The following IFT122 variants were observed in gnomAD, a reference collection of about 807,000 sequenced individuals.
IFT122 encodes the protein intraflagellar transport protein 122 homolog.
A neutral mutation model predicts 161.6 loss-of-function variants in IFT122; 118 were observed. The ratio of observed to expected loss-of-function variants is 0.73; its 90% CI spans 0.63 to 0.85. IFT122 has a LOEUF of 0.85. Ranked by LOEUF, IFT122 falls within the 40% of genes least tolerant of loss-of-function variation. IFT122 has a pLI of 0.00. For synonymous variants in IFT122, 550 were observed against 602.4 expected, an observed-to-expected ratio of 0.91 and a Z score of 1.27; for missense variants, 1,381 against 1,579.6, an observed-to-expected ratio of 0.87 and a Z score of 2.13.
Position 129,449,905 on chromosome 3 carries a change from C to G in IFT122, c.76C>G (p.Gln26Glu), listed in dbSNP as rs748223896. Residue 26 changes from glutamine to glutamate, a missense_variant, in exon 2 of 30, where the codon CAA becomes GAA. Transcript: ENST00000348417. ...CATCGCATTTAAGCCTGATGGAACT[C>G]AACTGATTTTGGCTGCCGGAAGCAG... ...NDIAFKPDGTQLILAAGSRLL... is the reference protein window; with the variant it reads ...NDIAFKPDGTELILAAGSRLL... 2 of 1,613,406 alleles carry G rather than the reference C, an allele frequency of 1.2e-6. No individual in the cohort carries two copies. The highest frequency in any genetic ancestry group is 1.3e-5 in the African/African-American group (1 of 74,856).
Position 129,452,015 on chromosome 3 carries a change from G to C in IFT122, c.193+17G>C. 6.3e-7 allele frequency: 1 copy of C among 1,578,098 alleles called. No individual in the cohort carries two copies. Among genetic ancestry groups the C allele is most frequent in the Non-Finnish European group, 8.7e-7 (1 of 1,147,434 alleles). The stretch of plus-strand genomic sequence containing the variant: ...CGAAGGATGGTAAAAGGCTGCTCTG[G>C]GTTTCCATTCTCTATAATAGCCTCA... On this transcript the variant is annotated intron_variant, in intron 3 of 29. Coordinates refer to ENST00000348417, the MANE Select transcript of IFT122 (RefSeq NM_052989.3).
At position 129,467,958 on chromosome 3, in the gene IFT122, A is replaced by G. The variant is rs563188760; in HGVS notation, c.740+892A>G. On this transcript the variant is annotated intron_variant, in intron 8 of 29. Transcript: ENST00000348417. Reference sequence around the variant, plus strand: ...GAATCCTACTGCCCCAGGAGGTAAAAGGGGGTTGAAAATCACTGATCCATC... The same window carrying G: ...GAATCCTACTGCCCCAGGAGGTAAAGGGGGGTTGAAAATCACTGATCCATC... Among the ~76,000 whole-genome samples the G allele has an allele frequency of 2.6e-5, 4 of 152,272 alleles. No homozygotes were observed. In the East Asian group the frequency reaches 7.7e-4, roughly 29 times the overall value.
At chr3:129,478,273 C>T in intron 12 of IFT122, 55 bp downstream of exon 12, 1 of 1,425,370 alleles carries the variant, frequency 7.0e-7, no homozygotes, top group Non-Finnish European at 9.8e-7. Context: ...GCTCCCCCCC[C>T]AGTGATAGGG....
At chr3:129,498,284 C>T (rs2081127319) in intron 18 of IFT122, among the ~76,000 whole-genome samples, 1 of 152,252 alleles carries the variant, frequency 6.6e-6, no homozygotes, top group African/African-American at 2.4e-5. Context: ...TGAGCACTCA[C>T]TGAAGTCCCT....
chr3:129,492,206 A>G lies in IFT122; in HGVS notation c.2046+12A>G. On this transcript the variant is annotated intron_variant, in intron 17 of 29. Transcript: ENST00000348417. ...TCAGCAGCATTGAGGTAAAAGATGA[A>G]GCATTTTTCCTTCTCAAGAAGGCAT... 6.2e-7 allele frequency: 1 copy of G among 1,607,852 alleles called. No individual in the cohort carries two copies.
At chr3:129,472,267 C>T (rs113724559) in intron 9 of IFT122, among the ~76,000 whole-genome samples, 1 of 152,220 alleles carries the variant, frequency 6.6e-6, no homozygotes, top group African/African-American at 2.4e-5. Context: ...AATCTTCCCA[C>T]TTTGGCCTTC....
At chr3:129,475,989 G>T in intron 9 of IFT122, 1 of 411,408 alleles carries the variant, frequency 2.4e-6, no homozygotes, top group Non-Finnish European at 4.5e-6. Flanking sequence ...AGAGGGAGGG[G>T]GGCCTTTGGG....
intron 4 of IFT122, among the ~76,000 whole-genome samples, chr3:129,460,036 C>T (rs1187181069): frequency 6.6e-6 from 1 of 151,952 alleles, no homozygotes; most frequent in African/African-American, 2.4e-5. Flanking sequence ...AGATACGAGC[C>T]ACTGCACCTG....
In IFT122 at chr3:129,519,563, T is replaced by A. The variant is rs781593272; in HGVS notation, c.3472-5T>A. 1 of 1,613,158 alleles carries A rather than the reference T, an allele frequency of 6.2e-7. No homozygotes were observed. Among genetic ancestry groups the A allele is most frequent in the African/African-American group, 1.3e-5 (1 of 75,028 alleles). On this transcript the variant is annotated splice_polypyrimidine_tract_variant and splice_region_variant and intron_variant, in intron 28 of 29. Transcript: ENST00000348417. ...CACTGTGCCTCCTTCCCGCCCACCC[T>A]GCAGCAAGGTGGCTCAGAGTTCGTG...
In IFT122 at chr3:129,483,480, C is replaced by T. The variant is rs766013948; in HGVS notation, c.1654-5C>T. The stretch of plus-strand genomic sequence containing the variant: ...CACAGGATCCCCACTGTCCCTGTTC[C>T]CCAGGAACCAAACGCCAACAGTGTA... On this transcript the variant is annotated splice_region_variant and splice_polypyrimidine_tract_variant and intron_variant, in intron 14 of 29. Transcript: ENST00000348417. 23 of 1,613,710 alleles carry T rather than the reference C, an allele frequency of 1.4e-5. No individual in the cohort carries two copies. Among genetic ancestry groups the T allele is most frequent in the African/African-American group, 2.7e-5 (2 of 74,840 alleles).
intron 23 of IFT122, 95 bp downstream of exon 23, chr3:129,507,857 C>G (rs1301500765): frequency 1.1e-6 from 1 of 942,022 alleles, no homozygotes; most frequent in East Asian, 2.4e-5. Flanking sequence ...TGGAATGTAA[C>G]CCACTGGTCA....
At position 129,458,805 on chromosome 3, in the gene IFT122, G is replaced by T. The variant is rs114519508; in HGVS notation, c.272+128G>T. The T allele has an allele frequency of 1.6e-3, 1,218 of 742,630 alleles. 10 individuals are homozygous for T. The African/African-American group carries it at 0.019, about 11-fold the overall frequency. The allele number at this position is 742,630 out of a possible 1,614,324, so 46.0% of individuals were successfully genotyped here. On this transcript the variant is annotated intron_variant, in intron 4 of 29. Transcript: ENST00000348417. ...TTGAACTTGAAATTAAGTTGTGGGT[G>T]TGTGTGGTTGGTATAGGAAGGTTGA...
chr3:129,516,693 T>TGCGCAC (rs1309369452), intron 26 of IFT122, among the ~76,000 whole-genome samples: 1 of 54,044 alleles, frequency 1.9e-5, no homozygotes, highest in African/African-American at 1.1e-4. Flanking sequence ...AGATTGCTCC[T>TGCGCAC]GCACACACAC....
chr3:129,510,328 A>G (rs1228167842), intron 23 of IFT122, among the ~76,000 whole-genome samples: 1 of 152,114 alleles, frequency 6.6e-6, no homozygotes, highest in Admixed American at 6.5e-5. Context: ...GCCTCTTGGG[A>G]AAGTCTGGCA....
At chr3:129,469,875 T>C (rs939909065) in intron 9 of IFT122, among the ~76,000 whole-genome samples, 3 of 152,236 alleles carry the variant, frequency 2.0e-5, no homozygotes, top group Non-Finnish European at 4.4e-5. Context: ...TGATAGCCTC[T>C]ACCTGCAAGA....
At chr3:129,468,447 C>T (rs1460021184) in intron 8 of IFT122, among the ~76,000 whole-genome samples, 1 of 152,006 alleles carries the variant, frequency 6.6e-6, no homozygotes, top group Admixed American at 6.6e-5. Flanking sequence ...GGGTTCTAAG[C>T]GATTCTTGTG....
Position 129,517,501 on chromosome 3 carries a change from G to A in IFT122, c.3298G>A (p.Glu1100Lys), listed in dbSNP as rs1578227439. 2.5e-6 allele frequency: 4 copies of A among 1,614,010 alleles called. No individual in the cohort carries two copies. The highest frequency in any genetic ancestry group is 1.6e-4 in the Middle Eastern group (1 of 6,062). ...ACACCTGGTTGAGTTCTACCTGGAG[G>A]AAGGGATCACTGATGAAGAAGCCAT... ...VLHLVEFYLEEGITDEEAISL... is the reference protein window; with the variant it reads ...VLHLVEFYLEKGITDEEAISL... The change falls in exon 27 of 30, where the codon GAA becomes AAA. Residue 1100 changes from glutamate to lysine, a missense_variant. Physicochemically the swap from Glu to Lys is moderately conservative, Grantham distance 56. Around this residue, in one of 7 missense-constraint regions of IFT122, gnomAD observed 177 missense variants for 199.2 expected, o/e 0.89. Transcript: ENST00000348417.
chr3:129,464,391 G>A (rs1267874969), intron 6 of IFT122, among the ~76,000 whole-genome samples: 1 of 152,160 alleles, frequency 6.6e-6, no homozygotes, highest in Non-Finnish European at 1.5e-5. Flanking sequence ...ATGTACAGAG[G>A]GCTGGGGGAG....
intron 16 of IFT122, among the ~76,000 whole-genome samples, chr3:129,490,507 A>G (rs1234756022): frequency 6.6e-6 from 1 of 152,186 alleles, no homozygotes; most frequent in Admixed American, 6.5e-5. Context: ...ACGCTGCAAA[A>G]TGTGTCAGGT....
Sources: allele counts gnomAD v4.1 joint callset (sites outside exome capture counted in the v4.1 genomes callset), GRCh38; gene constraint gnomAD v4.1.1; regional missense constraint gnomAD v4.1.1; transcripts MANE v1.5; gene names NCBI Gene and HGNC (gene_info 2026-07-23, HGNC 2026-07-21).